Variants in TRPM3 observed in about 807,000 individuals in gnomAD.
TRPM3 encodes the protein transient receptor potential cation channel subfamily M member 3, also known as long transient receptor potential channel 3.
Under a neutral mutation model 181.2 loss-of-function variants are expected in TRPM3, and 77 were observed. The ratio of observed to expected loss-of-function variants is 0.42; its 90% CI spans 0.35 to 0.51. TRPM3 has a LOEUF of 0.51. Ranked by LOEUF, TRPM3 falls within the 20% of genes least tolerant of loss-of-function variation. The probability of loss-of-function intolerance (pLI) is 0.01; values close to 1 mark genes in which losing one functional copy is unlikely to be tolerated. For missense variants in TRPM3, 1,759 were observed against 2,196.7 expected (o/e 0.80, Z 3.98); for synonymous variants, 745 against 796.4 (o/e 0.94, Z 1.09).
chr9:71,273,156 CCCAG>C (rs1199381747), intron 1 of TRPM3, among the ~76,000 whole-genome samples: 2 of 152,032 alleles, frequency 1.3e-5, no homozygotes, highest in Non-Finnish European at 2.9e-5. Flanking sequence ...GATTTATGAG[CCCAG>C]CCTATTAAAG....
intron 1 of TRPM3, among the ~76,000 whole-genome samples, chr9:71,322,181 A>G (rs1325433442): frequency 2.6e-5 from 4 of 151,934 alleles, no homozygotes; most frequent in African/African-American, 9.7e-5. Flanking sequence ...GGATAGTGGT[A>G]TGTCATGACA....
At chr9:71,093,477 A>AT (rs2066576706) in intron 1 of TRPM3, among the ~76,000 whole-genome samples, 1 of 133,440 alleles carries the variant, frequency 7.5e-6, no homozygotes, top group African/African-American at 2.5e-5. Flanking sequence ...CAACAGACAT[A>AT]TAAAAAAAAA....
chr9:71,050,015 A>G (rs868741692), intron 1 of TRPM3, among the ~76,000 whole-genome samples: 1 of 152,206 alleles, frequency 6.6e-6, no homozygotes, highest in Non-Finnish European at 1.5e-5. Flanking sequence ...TCACACACAC[A>G]TAATATAATA....
chr9:71,443,101 A>C (rs2131683324), intron 1 of TRPM3, among the ~76,000 whole-genome samples: 1 of 152,330 alleles, frequency 6.6e-6, no homozygotes, highest in East Asian at 1.9e-4. Context: ...TTTACTAAAA[A>C]ACAGTTTAGA....
intron 1 of TRPM3, among the ~76,000 whole-genome samples, chr9:71,316,050 T>C (rs1238929796): frequency 6.6e-6 from 1 of 152,168 alleles, no homozygotes; most frequent in African/African-American, 2.4e-5. Context: ...CTATAGAACT[T>C]CAAGTACCTA....
chr9:71,281,595 A>G (rs2084711374), intron 1 of TRPM3, among the ~76,000 whole-genome samples: 1 of 152,210 alleles, frequency 6.6e-6, no homozygotes, highest in South Asian at 2.1e-4. Context: ...TGCTGTCTAC[A>G]GCATTTTAAG....
intron 1 of TRPM3, among the ~76,000 whole-genome samples, chr9:71,286,988 A>C (rs2085342937): frequency 7.1e-6 from 1 of 139,882 alleles, no homozygotes; most frequent in African/African-American, 2.7e-5. Flanking sequence ...ATATTATATA[A>C]TTATATTATA....
chr9:70,993,675 C>A (rs937063660), intron 1 of TRPM3, among the ~76,000 whole-genome samples: 1 of 149,582 alleles, frequency 6.7e-6, no homozygotes, highest in African/African-American at 2.5e-5. Flanking sequence ...CAAGGGGGTG[C>A]GTGAGATTAT....
intron 1 of TRPM3, among the ~76,000 whole-genome samples, chr9:71,224,986 T>A (rs767819473): frequency 1.3e-5 from 2 of 151,874 alleles, no homozygotes; most frequent in Non-Finnish European, 2.9e-5. Context: ...AAAGAACCAA[T>A]CTAAGAGTTA....
At chr9:71,434,654 T>C in intron 1 of TRPM3, among the ~76,000 whole-genome samples, 1 of 152,216 alleles carries the variant, frequency 6.6e-6, no homozygotes, top group East Asian at 1.9e-4. Flanking sequence ...AATTTGGTTT[T>C]TCAGCTCAGA....
intron 1 of TRPM3, among the ~76,000 whole-genome samples, chr9:71,151,840 A>G (rs1408822513): frequency 6.6e-6 from 1 of 152,146 alleles, no homozygotes; most frequent in Non-Finnish European, 1.5e-5. Context: ...GGCAAGGTGG[A>G]TAACAGTGAA....
rs2041750461 is a variant in TRPM3 at position 70,536,380 on chromosome 9, G to C, written c.4733C>G (p.Ala1578Gly). 5 of 1,613,980 alleles carry C rather than the reference G, an allele frequency of 3.1e-6. No homozygotes were observed. The highest frequency in any genetic ancestry group is 4.2e-6 in the Non-Finnish European group (5 of 1,180,012). The change falls in exon 26 of 26, where the codon GCT becomes GGT. Residue 1578 changes from alanine to glycine, a missense_variant. Ala to Gly is a moderately conservative substitution (Grantham distance 60). Around this residue, in one of 8 missense-constraint regions of TRPM3, gnomAD observed 612 missense variants for 590.0 expected, o/e 1.04. Transcript: ENST00000677713. ...GTCTCCAAGACCTCCAGGGAAGGCAGCTCTGTCCGCAATTGCTTGAGGGGC... is the reference window on the plus strand; with the variant it reads ...GTCTCCAAGACCTCCAGGGAAGGCACCTCTGTCCGCAATTGCTTGAGGGGC... ...VNAPQAIADR[A>G]AFPGGLGDKV...
At chr9:70,894,968 T>G (rs201452202) in intron 1 of TRPM3, among the ~76,000 whole-genome samples, 1 of 152,154 alleles carries the variant, frequency 6.6e-6, no homozygotes, top group Admixed American at 6.5e-5. Flanking sequence ...GCTGACTGTA[T>G]TGAGTGCTAG....
At chr9:70,979,396 T>C (rs895665668) in intron 1 of TRPM3, among the ~76,000 whole-genome samples, 4 of 152,208 alleles carry the variant, frequency 2.6e-5, no homozygotes, top group African/African-American at 9.7e-5. Flanking sequence ...CTAATTTTCA[T>C]TTGTCATTCT....
intron 1 of TRPM3, among the ~76,000 whole-genome samples, chr9:70,895,662 G>T (rs536066647): frequency 6.6e-6 from 1 of 152,226 alleles, no homozygotes; most frequent in South Asian, 2.1e-4. Context: ...CATTTTCAAT[G>T]AATTTCAATG....
chr9:71,415,623 C>T (rs2093625353), intron 1 of TRPM3, among the ~76,000 whole-genome samples: 1 of 151,906 alleles, frequency 6.6e-6, no homozygotes, highest in African/African-American at 2.4e-5. Context: ...TAAATCTCAG[C>T]TGCTGTATAT....
chr9:70,801,096 G>C lies in TRPM3; in HGVS notation c.974-16817C>G, dbSNP rs1445898473. Among the ~76,000 whole-genome samples the C allele has an allele frequency of 3.3e-5, 5 of 152,122 alleles. No individual in the cohort carries two copies. The East Asian group carries it at 9.6e-4, about 29-fold the overall frequency. ...TTAGGACATACTTGCAAGTGAAGGG[G>C]TCATTATTAATAATTACTCTGGGAT... On this transcript the variant is annotated intron_variant, in intron 6 of 25. Coordinates refer to ENST00000677713, the MANE Select transcript of TRPM3 (RefSeq NM_001366145.2).
At chr9:71,390,578 TG>T (rs1344514163) in intron 1 of TRPM3, among the ~76,000 whole-genome samples, 2 of 152,010 alleles carry the variant, frequency 1.3e-5, no homozygotes, top group African/African-American at 4.8e-5. Flanking sequence ...AAAATGAGTT[TG>T]AGACCAGCTA....
intron 6 of TRPM3, among the ~76,000 whole-genome samples, chr9:70,803,315 C>G: frequency 6.6e-6 from 1 of 152,092 alleles, no homozygotes; most frequent in Non-Finnish European, 1.5e-5. Context: ...ACTTTGGCTT[C>G]CAGACAGTGT....
Sources: gnomAD v4.1 joint callset for allele counts (sites outside exome capture counted in the v4.1 genomes callset) on GRCh38, gnomAD v4.1.1 for gene constraint, gnomAD v4.1.1 regional missense constraint, MANE v1.5 for transcripts, NCBI Gene and HGNC (gene_info 2026-07-23, HGNC 2026-07-21) for gene names.